The following ZCCHC4 variants were observed in gnomAD, a reference collection of about 807,000 sequenced individuals.
ZCCHC4 encodes the protein zinc finger CCHC-type containing 4.
ZCCHC4 carries 54 observed loss-of-function variants against 67.7 expected under a neutral mutation model. The ratio of observed to expected loss-of-function variants is 0.80; its 90% CI spans 0.64 to 1.00. ZCCHC4 has a LOEUF of 1.00. Among genes scored for constraint, ZCCHC4 ranks in the 50% least tolerant of loss-of-function variants. The pLI is 0.00. For missense variants in ZCCHC4, 609 were observed against 617.0 expected, an observed-to-expected ratio of 0.99 and a Z score of 0.14; for synonymous variants, 198 against 213.5, an observed-to-expected ratio of 0.93 and a Z score of 0.63.
intron 8 of ZCCHC4, among the ~76,000 whole-genome samples, chr4:25,355,217 G>A (rs1720471542): frequency 6.6e-6 from 1 of 152,116 alleles, no homozygotes; most frequent in African/African-American, 2.4e-5. Flanking sequence ...CTGAGTCCTG[G>A]CACTGCCTTT....
At chr4:25,353,564 C>G (rs934757046) in intron 8 of ZCCHC4, among the ~76,000 whole-genome samples, 19 of 152,188 alleles carry the variant, frequency 1.2e-4, no homozygotes, top group Admixed American at 1.2e-3. Flanking sequence ...CATCTTCCGC[C>G]TTTGGCAATG....
chr4:25,346,264 A>G lies in ZCCHC4; in HGVS notation c.759+644A>G, dbSNP rs1479977546. Among the ~76,000 whole-genome samples, 2 of 152,200 alleles carry G rather than the reference A, an allele frequency of 1.3e-5. 1 individual carries two copies. The highest frequency in any genetic ancestry group is 1.3e-4 in the Admixed American group (2 of 15,280). On this transcript the variant is annotated intron_variant, in intron 6 of 12. Transcript: ENST00000302874. ...TAAAAAAAAAAAGGACTGCAGTTTA[A>G]AAAAGCTTCTTTCAATTTGAGGTTA... is the stretch of plus-strand genomic sequence containing the variant.
Position 25,314,155 on chromosome 4 carries a change from A to G in ZCCHC4, c.237A>G (p.Glu79=). 1 of 1,588,360 alleles carries G rather than the reference A, an allele frequency of 6.3e-7. No homozygotes were observed. Among genetic ancestry groups the G allele is most frequent in the Non-Finnish European group, 8.6e-7 (1 of 1,168,814 alleles). The change falls in exon 2 of 13, where the codon GAA becomes GAG. Residue 79 remains glutamate (E), a synonymous_variant. Transcript: ENST00000302874. The part of the protein sequence containing the change: ...DRKDCNFFQW[E]DEKLSGARLA... ...AAGACTGTAATTTTTTTCAGTGGGA[A>G]GATGAAAAGGTATATCAACTTTTTG...
Position 25,351,570 on chromosome 4 carries a change from C to T in ZCCHC4, c.911-19C>T, listed in dbSNP as rs1326633436. 2.0e-6 allele frequency: 3 copies of T among 1,522,848 alleles called. No individual in the cohort carries two copies. Among genetic ancestry groups the T allele is most frequent in the African/African-American group, 1.4e-5 (1 of 71,856 alleles). 94.3% of individuals were successfully genotyped at this position (1,522,848 alleles called of 1,614,324 possible). A position where few individuals can be genotyped will look rare whatever the true frequency, so the allele number is the denominator to read the frequency against. ...TTTCTTTAATTTACTATTATTTTTT[C>T]CTTTTTGTGATCCATTAGATGACAG... On this transcript the variant is annotated intron_variant, in intron 7 of 12. Coordinates refer to ENST00000302874, the MANE Select transcript of ZCCHC4 (RefSeq NM_024936.3).
chr4:25,327,564 C>T (rs1411751700), intron 3 of ZCCHC4, among the ~76,000 whole-genome samples: 1 of 152,138 alleles, frequency 6.6e-6, no homozygotes, highest in Non-Finnish European at 1.5e-5. Flanking sequence ...ACTGTAGACT[C>T]TACCTCCTTG....
chr4:25,350,778 A>C (rs1560412536), intron 7 of ZCCHC4, among the ~76,000 whole-genome samples: 1 of 152,174 alleles, frequency 6.6e-6, no homozygotes, highest in Non-Finnish European at 1.5e-5. Flanking sequence ...CACTAATTAG[A>C]GTGGATAAAG....
At position 25,364,506 on chromosome 4, in the gene ZCCHC4, G is replaced by C. The variant is rs1405145333; in HGVS notation, c.1261+1G>C. 1.3e-6 allele frequency: 2 copies of C among 1,559,286 alleles called. No individual in the cohort carries two copies. The highest frequency in any genetic ancestry group is 1.7e-6 in the Non-Finnish European group (2 of 1,158,336). On this transcript the variant is annotated splice_donor_variant, in intron 11 of 12. Transcript: ENST00000302874. LOFTEE classifies it high-confidence loss of function. ...CTCTGTAAAAAGTGTGTAAAGCCTT[G>C]TAAGTATTGAGACTTAGTGTTTGAG...
intron 3 of ZCCHC4, among the ~76,000 whole-genome samples, chr4:25,330,051 G>C (rs1719099620): frequency 5.3e-5 from 8 of 152,026 alleles, no homozygotes; most frequent in Admixed American, 5.2e-4. Flanking sequence ...GAGTGCAGTG[G>C]TGTGATCTCA....
intron 12 of ZCCHC4, chr4:25,365,722 T>G: frequency 1.0e-6 from 1 of 985,324 alleles, no homozygotes; most frequent in Non-Finnish European, 1.2e-6. Context: ...TCACCAATAT[T>G]TGATTGGAGC....
At chr4:25,334,350 A>G (rs1014867576) in intron 5 of ZCCHC4, among the ~76,000 whole-genome samples, 1 of 152,212 alleles carries the variant, frequency 6.6e-6, no homozygotes, top group Non-Finnish European at 1.5e-5. Flanking sequence ...ATTTTGTTTC[A>G]TTAGATCTTT....
intron 5 of ZCCHC4, among the ~76,000 whole-genome samples, chr4:25,336,659 G>A (rs1719477279): frequency 6.6e-6 from 1 of 152,092 alleles, no homozygotes; most frequent in Admixed American, 6.6e-5. Flanking sequence ...GCTAATTTTT[G>A]TATTTTTAGT....
chr4:25,333,928 T>A lies in ZCCHC4; in HGVS notation c.626T>A (p.Leu209Ter), dbSNP rs748236945. The change falls in exon 5 of 13, where the codon TTG becomes TAG. Residue 209 changes from leucine to a stop codon, truncating the protein, a stop_gained. Coordinates refer to ENST00000302874, the MANE Select transcript of ZCCHC4 (RefSeq NM_024936.3). LOFTEE classifies it high-confidence loss of function. ...GTPRLHELIK[L>*]TASGDKKSNI... The stretch of plus-strand genomic sequence containing the variant: ...TTTAGGTTGCATGAGCTGATCAAGT[T>A]GACAGCATCAGGTGACAAGAAGTCT... The A allele has an allele frequency of 5.0e-6, 8 of 1,602,762 alleles. No individual in the cohort carries two copies. Among genetic ancestry groups the A allele is most frequent in the Non-Finnish European group, 5.9e-6 (7 of 1,177,556 alleles).
At chr4:25,356,902 A>T (rs73254154) in intron 8 of ZCCHC4, among the ~76,000 whole-genome samples, 7,222 of 152,268 alleles carry the variant, frequency 0.047, 215 homozygotes, top group African/African-American at 0.093. Flanking sequence ...TAGAATTTTC[A>T]AAGTTAGAAA....
Position 25,370,284 on chromosome 4 carries a change from C to G in ZCCHC4, c.*1120C>G, listed in dbSNP as rs1721096890. ...GCTGTATGATCTTGGCCAGGTCACT[C>G]TCTAAAAGCCCCGGTTTCTTCATTA... is the stretch of plus-strand genomic sequence containing the variant. On this transcript the variant is annotated 3_prime_UTR_variant, in exon 13 of 13. Coordinates refer to ENST00000302874, the MANE Select transcript of ZCCHC4 (RefSeq NM_024936.3). 6.6e-6 allele frequency: 1 copy of G among 152,206 alleles called. No homozygotes were observed. Among genetic ancestry groups the G allele is most frequent in the African/African-American group, 2.4e-5 (1 of 41,532 alleles). 9.4% of individuals were successfully genotyped at this position (152,206 alleles called of 1,614,324 possible). A position where few individuals can be genotyped will look rare whatever the true frequency, so the allele number is the denominator to read the frequency against.
At chr4:25,349,783 T>C in intron 7 of ZCCHC4, 141 bp downstream of exon 7, 1 of 812,820 alleles carries the variant, frequency 1.2e-6, no homozygotes, top group Non-Finnish European at 1.9e-6. Flanking sequence ...TATTTGATGT[T>C]GCAGCAAACT....
rs544543293 is a variant in ZCCHC4, at chr4:25,325,089, A to AAT, written c.330-8093_330-8092insTA. Among the ~76,000 whole-genome samples, 16 of 146,296 alleles carry AAT rather than the reference A, an allele frequency of 1.1e-4. No individual in the cohort carries two copies. The South Asian group carries it at 3.5e-3, about 32-fold the overall frequency. On this transcript the variant is annotated intron_variant, in intron 3 of 12. Transcript: ENST00000302874. ...AAACCCCGTCTCTACTAAAAATACA[A>AAT]AAAATTAGCCGGGCGAGGTAGTGGG...
intron 7 of ZCCHC4, among the ~76,000 whole-genome samples, chr4:25,350,036 T>C (rs1021913231): frequency 6.6e-6 from 1 of 152,102 alleles, no homozygotes; most frequent in Admixed American, 6.6e-5. Flanking sequence ...ATACATTCCC[T>C]GTTCCTAAAG....
Position 25,362,000 on chromosome 4 carries a change from T to C in ZCCHC4, c.1133+20T>C, listed in dbSNP as rs368019437. ...GTACAGGTAAGATCACAGTGGAACTTTGAAGTACACAAGTCACTGAAAATA... is the reference window on the plus strand; with the variant it reads ...GTACAGGTAAGATCACAGTGGAACTCTGAAGTACACAAGTCACTGAAAATA... On this transcript the variant is annotated intron_variant, in intron 9 of 12. Transcript: ENST00000302874. The C allele has an allele frequency of 2.6e-5, 41 of 1,605,856 alleles. No individual in the cohort carries two copies. The African/African-American group carries it at 4.6e-4, about 18-fold the overall frequency.
At chr4:25,343,556 G>T (rs569280752) in intron 5 of ZCCHC4, among the ~76,000 whole-genome samples, 1 of 152,270 alleles carries the variant, frequency 6.6e-6, no homozygotes, top group Admixed American at 6.5e-5. Flanking sequence ...TCATCTTATT[G>T]TTATCCAGTC....
Sources: allele counts gnomAD v4.1 joint callset (sites outside exome capture counted in the v4.1 genomes callset), GRCh38; gene constraint gnomAD v4.1.1; transcripts MANE v1.5; gene names NCBI Gene and HGNC (gene_info 2026-07-23, HGNC 2026-07-21).